Variants in CD109 observed in about 807,000 individuals in gnomAD.
CD109 encodes CD109 antigen.
In CD109, 149 loss-of-function variants were observed where a neutral mutation model predicts 165.8. That is an observed-to-expected ratio of 0.90 (90% CI 0.79 to 1.03). The LOEUF (loss-of-function observed/expected upper bound fraction) is 1.03, where lower values mean the gene tolerates loss of function less well. CD109 is among the 50% of genes least tolerant of loss of function. The pLI is 0.00. For synonymous variants in CD109, 585 were observed against 592.1 expected, an observed-to-expected ratio of 0.99 and a Z score of 0.18; for missense variants, 1,712 against 1,677.8, an observed-to-expected ratio of 1.02 and a Z score of -0.36.
intron 16 of CD109, among the ~76,000 whole-genome samples, chr6:73,781,029 GAA>G (rs1262396134): frequency 1.3e-5 from 2 of 150,312 alleles, no homozygotes. Context: ...GTTTGAGTGA[GAA>G]AGATCGATGG....
chr6:73,799,566 G>T (rs541941920), intron 23 of CD109, among the ~76,000 whole-genome samples: 1 of 152,264 alleles, frequency 6.6e-6, no homozygotes, highest in Admixed American at 6.5e-5. Flanking sequence ...CTGGGAACAG[G>T]CACATCACAT....
chr6:73,794,150 T>A (rs1279574623), intron 23 of CD109, among the ~76,000 whole-genome samples: 1 of 152,210 alleles, frequency 6.6e-6, no homozygotes, highest in Non-Finnish European at 1.5e-5. Context: ...GTTTTATGCA[T>A]GTTTCATTTA....
chr6:73,700,827 A>T (rs1476754293), intron 2 of CD109, among the ~76,000 whole-genome samples: 2 of 108,532 alleles, frequency 1.8e-5, no homozygotes, highest in Non-Finnish European at 3.4e-5. Flanking sequence ...TTTGAGACAC[A>T]GTCTCACTCT....
chr6:73,755,675 A>G (rs2150213422), intron 5 of CD109, among the ~76,000 whole-genome samples: 1 of 152,228 alleles, frequency 6.6e-6, no homozygotes, highest in East Asian at 1.9e-4. Context: ...AGAAATATGA[A>G]GAGTTGACTG....
the CD109 span, among the ~76,000 whole-genome samples, chr6:73,687,497 T>C: frequency 7.1e-6 from 1 of 140,334 alleles, no homozygotes; most frequent in African/African-American, 2.6e-5. Flanking sequence ...CTCCTCCCCT[T>C]CTTTCCTTCC....
chr6:73,825,023 A>T lies in CD109; in HGVS notation c.*1390A>T, dbSNP rs1396526956. On this transcript the variant is annotated 3_prime_UTR_variant, in exon 33 of 33. Coordinates refer to ENST00000287097, the MANE Select transcript of CD109 (RefSeq NM_133493.5). ...ATTTGCTTTATGTTTTTAGCTATTT[A>T]AAAATAAATCCATCAAAAATAAAGT... The T allele has an allele frequency of 6.6e-6, 1 of 152,236 alleles. No homozygotes were observed. The highest frequency in any genetic ancestry group is 1.5e-5 in the Non-Finnish European group (1 of 68,050). 9.4% of individuals were successfully genotyped at this position (152,236 alleles called of 1,614,324 possible). A position where few individuals can be genotyped will look rare whatever the true frequency, so the allele number is the denominator to read the frequency against.
At chr6:73,712,178 C>T (rs148806797) in intron 2 of CD109, among the ~76,000 whole-genome samples, 4,086 of 150,958 alleles carry the variant, frequency 0.027, 84 homozygotes, top group Non-Finnish European at 0.033. Flanking sequence ...CACTGCACTC[C>T]AGCCTGGGCA....
chr6:73,696,458 A>G (rs1770847442), intron 1 of CD109, among the ~76,000 whole-genome samples, 169 bp downstream of exon 1: 1 of 152,212 alleles, frequency 6.6e-6, no homozygotes, highest in East Asian at 1.9e-4. Context: ...GACCATATGT[A>G]GCTTCAGCGT....
At chr6:73,775,888 T>C (rs1187416905) in intron 15 of CD109, among the ~76,000 whole-genome samples, 1 of 152,242 alleles carries the variant, frequency 6.6e-6, no homozygotes, top group Non-Finnish European at 1.5e-5. Flanking sequence ...ATGGTGTACA[T>C]GTACCACATT....
Position 73,787,723 on chromosome 6 carries a change from G to A in CD109, c.2556+271G>A, listed in dbSNP as rs548059402. 4.6e-5 allele frequency among the ~76,000 whole-genome samples: 7 copies of A among 152,216 alleles called. No individual in the cohort carries two copies. In the South Asian group the frequency reaches 1.5e-3, roughly 32 times the overall value. On this transcript the variant is annotated intron_variant, in intron 21 of 32. Coordinates refer to ENST00000287097, the MANE Select transcript of CD109 (RefSeq NM_133493.5). Reference sequence around the variant, plus strand: ...ACATCTACAGACTGTGTTACGTTGGGATCCTATTAAAACACGGCCAAGTCG... The same window carrying A: ...ACATCTACAGACTGTGTTACGTTGGAATCCTATTAAAACACGGCCAAGTCG...
At chr6:73,725,504 CTTTTT>C (rs386407559) in intron 3 of CD109, among the ~76,000 whole-genome samples, 6 of 89,438 alleles carry the variant, frequency 6.7e-5, no homozygotes, top group Non-Finnish European at 1.3e-4. Context: ...TACTACACTT[CTTTTT>C]TTTTTTTTTT....
In CD109 at chr6:73,762,444, T is replaced by G; in HGVS notation, c.819T>G (p.Phe273Leu). The G allele has an allele frequency of 1.2e-6, 2 of 1,612,084 alleles. No homozygotes were observed. The change falls in exon 8 of 33, where the codon TTT becomes TTG. Residue 273 changes from phenylalanine (F) to leucine (L), a missense_variant. Physicochemically the swap from Phe to Leu is conservative, Grantham distance 22. Coordinates refer to ENST00000287097, the MANE Select transcript of CD109 (RefSeq NM_133493.5). ...DVTLTFLPLSFWGKKKNITKT... is the reference protein window; with the variant it reads ...DVTLTFLPLSLWGKKKNITKT... ...CGCTTACATTTTTACCTTTATCCTTTTGGGGAAAGAAGAAAAATATTACAA... is the reference window on the plus strand; with the variant it reads ...CGCTTACATTTTTACCTTTATCCTTGTGGGGAAAGAAGAAAAATATTACAA...
rs757742400 is a variant in CD109, at chr6:73,823,507, T to G, written c.4212T>G (p.Cys1404Trp). The G allele has an allele frequency of 1.9e-6, 3 of 1,613,846 alleles. No individual in the cohort carries two copies. The African/African-American group carries it at 4.0e-5, about 22-fold the overall frequency. ...SYNSEVKLSS[C>W]DLCSDVQGCR... ...ACTCTGAAGTGAAGCTGTCCTCCTGTGACCTTTGCAGTGATGTCCAGGGCT... is the reference window on the plus strand; with the variant it reads ...ACTCTGAAGTGAAGCTGTCCTCCTGGGACCTTTGCAGTGATGTCCAGGGCT... The change falls in exon 33 of 33, where the codon TGT becomes TGG. Residue 1404 changes from cysteine to tryptophan, a missense_variant. By Grantham distance (215) the Cys-to-Trp change is radical. Transcript: ENST00000287097.
upstream of CD109, among the ~76,000 whole-genome samples, chr6:73,692,596 T>C (rs1424215834): frequency 6.6e-6 from 1 of 152,160 alleles, no homozygotes; most frequent in Non-Finnish European, 1.5e-5. Context: ...AATTCTGTTT[T>C]ATAAAACAGA....
intron 23 of CD109, among the ~76,000 whole-genome samples, chr6:73,799,781 G>A (rs1775297658): frequency 6.6e-6 from 1 of 151,776 alleles, no homozygotes. Flanking sequence ...TACTTCATTA[G>A]TTTCTAGACT....
intron 2 of CD109, among the ~76,000 whole-genome samples, chr6:73,697,838 T>C (rs1461669179): frequency 6.6e-6 from 1 of 152,178 alleles, no homozygotes; most frequent in African/African-American, 2.4e-5. Context: ...ATGGAGTTTC[T>C]TCATGGGAGA....
chr6:73,762,145 TA>T (rs560900997), intron 7 of CD109, among the ~76,000 whole-genome samples: 95 of 151,832 alleles, frequency 6.3e-4, no homozygotes, highest in African/African-American at 2.1e-3. Flanking sequence ...GTATTTTTAG[TA>T]GAGACAGGGT....
chr6:73,797,125 G>A lies in CD109; in HGVS notation c.2878+4323G>A, dbSNP rs541979245. On this transcript the variant is annotated intron_variant, in intron 23 of 32. Coordinates refer to ENST00000287097, the MANE Select transcript of CD109 (RefSeq NM_133493.5). ...TATTTAAATGTCATTTATGAACAGC[G>A]CATTGTTTTACTTAAATCATGCTTG... 4.3e-4 allele frequency among the ~76,000 whole-genome samples: 65 copies of A among 152,234 alleles called. 1 individual carries two copies. The South Asian group carries it at 8.5e-3, about 20-fold the overall frequency.
chr6:73,810,813 C>T (rs141613951), intron 27 of CD109, among the ~76,000 whole-genome samples, 179 bp from the exon 28 acceptor site: 11 of 152,242 alleles, frequency 7.2e-5, no homozygotes, highest in Non-Finnish European at 1.3e-4. Flanking sequence ...TAAAACATTT[C>T]AGCAAACATT....
Sources: gnomAD v4.1 joint callset for allele counts (sites outside exome capture counted in the v4.1 genomes callset) on GRCh38, gnomAD v4.1.1 for gene constraint, MANE v1.5 for transcripts, NCBI Gene and HGNC (gene_info 2026-07-23, HGNC 2026-07-21) for gene names.